The following PRKAR1A variants were observed in gnomAD, a reference collection of about 807,000 sequenced individuals.
PRKAR1A encodes protein kinase cAMP-dependent type I regulatory subunit alpha.
A neutral mutation model predicts 52.0 loss-of-function variants in PRKAR1A; 3 were observed. The ratio of observed to expected loss-of-function variants is 0.06; its 90% CI spans 0.03 to 0.15. PRKAR1A has a LOEUF of 0.15. PRKAR1A is among the 10% of genes least tolerant of loss of function. PRKAR1A has a pLI of 1.00. For synonymous variants in PRKAR1A, 188 were observed against 168.4 expected, an observed-to-expected ratio of 1.12 and a Z score of -0.90; for missense variants, 240 against 477.4, an observed-to-expected ratio of 0.50 and a Z score of 4.63.
chr17:68,505,134 C>T, the PRKAR1A span, among the ~76,000 whole-genome samples: 1 of 151,982 alleles, frequency 6.6e-6, no homozygotes, highest in South Asian at 2.1e-4. Context: ...GTTTCTACCC[C>T]CCAAAATACA....
At chr17:68,541,453 C>A in intron 11 of PRKAR1A, 1 of 191,758 alleles carries the variant, frequency 5.2e-6, no homozygotes, top group Non-Finnish European at 1.1e-5. Context: ...TCCAGAAATT[C>A]TGCCTGGTTA....
At chr17:68,492,560 T>C in the PRKAR1A span, among the ~76,000 whole-genome samples, 1 of 152,074 alleles carries the variant, frequency 6.6e-6, no homozygotes, top group Non-Finnish European at 1.5e-5. Context: ...CTGAAGAAGG[T>C]GTAGAGATCT....
chr17:68,541,735 A>G (rs2086304923), intron 11 of PRKAR1A: 1 of 434,340 alleles, frequency 2.3e-6, no homozygotes, highest in African/African-American at 2.0e-5. Flanking sequence ...TCAAGGAGAG[A>G]GTCTGAGTCT....
intron 11 of PRKAR1A, chr17:68,541,962 G>A: frequency 1.2e-5 from 19 of 1,608,724 alleles, no homozygotes; most frequent in Non-Finnish European, 1.6e-5. Flanking sequence ...GGACTGGGCT[G>A]TGTGGCCTGG....
At chr17:68,431,515 A>T in the PRKAR1A span, among the ~76,000 whole-genome samples, 1 of 152,078 alleles carries the variant, frequency 6.6e-6, no homozygotes, top group Non-Finnish European at 1.5e-5. Context: ...TTCATTCCCA[A>T]GGTCAAAGGG....
At chr17:68,490,128 T>C in the PRKAR1A span, among the ~76,000 whole-genome samples, 1 of 152,236 alleles carries the variant, frequency 6.6e-6, no homozygotes, top group Non-Finnish European at 1.5e-5. Context: ...TGACGATGTC[T>C]GGTTTGGAAG....
chr17:68,548,723 ATATTTTTTT>A (rs1288790594), intron 11 of PRKAR1A, among the ~76,000 whole-genome samples: 1 of 117,944 alleles, frequency 8.5e-6, no homozygotes, highest in Non-Finnish European at 1.7e-5. Context: ...CTATGCCTGT[ATATTTTTTT>A]TTTTTTTTTT....
chr17:68,450,475 G>T, the PRKAR1A span, among the ~76,000 whole-genome samples: 1 of 152,206 alleles, frequency 6.6e-6, no homozygotes, highest in South Asian at 2.1e-4. Context: ...TGTACCCTAG[G>T]GAGAGGGTGC....
chr17:68,488,451 G>A, the PRKAR1A span, among the ~76,000 whole-genome samples: 1 of 152,132 alleles, frequency 6.6e-6, no homozygotes, highest in South Asian at 2.1e-4. Flanking sequence ...CATGGGGCTG[G>A]GTGCAGTGGC....
the PRKAR1A span, chr17:68,450,788 G>T: frequency 6.2e-7 from 1 of 1,613,960 alleles, no homozygotes; most frequent in Non-Finnish European, 8.5e-7. Context: ...AGATCTCTGT[G>T]CCTTTCTTGA....
At chr17:68,450,926 A>G in the PRKAR1A span, 2 of 1,599,970 alleles carry the variant, frequency 1.3e-6, no homozygotes, top group East Asian at 2.2e-5. Context: ...GGGAGGTTAC[A>G]TGGATTGATC....
intron 11 of PRKAR1A, chr17:68,541,868 G>A: frequency 2.4e-6 from 3 of 1,228,656 alleles, no homozygotes. Context: ...ATGAAATGGG[G>A]CAAAGGAGTA....
intron 1 of PRKAR1A, 96 bp from the exon 2 acceptor site, chr17:68,515,298 T>A: frequency 7.1e-7 from 1 of 1,407,618 alleles, no homozygotes; most frequent in East Asian, 2.4e-5. Flanking sequence ...AAAAAATCCC[T>A]GTGAATCAGT....
At chr17:68,434,327 A>G in the PRKAR1A span, among the ~76,000 whole-genome samples, 6 of 152,146 alleles carry the variant, frequency 3.9e-5, no homozygotes, top group Non-Finnish European at 8.8e-5. Flanking sequence ...CCACACACAC[A>G]TCAAAAAGGG....
At chr17:68,524,522 A>G (rs762891316) in intron 5 of PRKAR1A, among the ~76,000 whole-genome samples, 4 of 152,100 alleles carry the variant, frequency 2.6e-5, no homozygotes, top group Non-Finnish European at 5.9e-5. Context: ...CTTTTTGACT[A>G]TCTTCCTCTT....
At chr17:68,508,288 C>A (rs1223348346), upstream of PRKAR1A, among the ~76,000 whole-genome samples, 2 of 152,174 alleles carry the variant, frequency 1.3e-5, no homozygotes, top group Non-Finnish European at 2.9e-5. Flanking sequence ...AACCTAAATG[C>A]CCATCAGTGG....
rs539826484 is a variant in PRKAR1A, at chr17:68,545,897, C to T, written c.974-5187C>T. On this transcript the variant is annotated intron_variant, in intron 11 of 11. Transcript: ENST00000585981. Reference sequence around the variant, plus strand: ...GAAGCCACTCCTTATTGGTCGGGTGCGGTGGCTCATGCCTGTAATCCAAGC... The same window carrying T: ...GAAGCCACTCCTTATTGGTCGGGTGTGGTGGCTCATGCCTGTAATCCAAGC... 1.4e-4 allele frequency among the ~76,000 whole-genome samples: 21 copies of T among 152,262 alleles called. No homozygotes were observed. In the South Asian group the frequency reaches 3.9e-3, roughly 29 times the overall value.
the PRKAR1A span, among the ~76,000 whole-genome samples, chr17:68,497,764 A>G: frequency 6.6e-6 from 1 of 152,230 alleles, no homozygotes; most frequent in Non-Finnish European, 1.5e-5. Context: ...GGGGCAAGCT[A>G]GAACCCAGGG....
At chr17:68,529,418 C>A (rs534756769) in intron 9 of PRKAR1A, among the ~76,000 whole-genome samples, 15 of 152,298 alleles carry the variant, frequency 9.8e-5, no homozygotes, top group Non-Finnish European at 2.1e-4. Context: ...AGCAGATACT[C>A]TTGCTAAGCG....
Sources: gnomAD v4.1 joint callset for allele counts (sites outside exome capture counted in the v4.1 genomes callset) on GRCh38, gnomAD v4.1.1 for gene constraint, MANE v1.5 for transcripts, NCBI Gene and HGNC (gene_info 2026-07-23, HGNC 2026-07-21) for gene names.